The following JMJD1C variants were observed in gnomAD, a reference collection of about 807,000 sequenced individuals.
JMJD1C encodes the protein jumonji domain-containing protein 1C.
Under a neutral mutation model 245.3 loss-of-function variants are expected in JMJD1C, and 31 were observed. That is an observed-to-expected ratio of 0.13 (90% confidence interval 0.09 to 0.17). The LOEUF (loss-of-function observed/expected upper bound fraction) is 0.17, where lower values mean the gene tolerates loss of function less well. Among genes scored for constraint, JMJD1C ranks in the 10% least tolerant of loss-of-function variants. The pLI, the probability that JMJD1C is intolerant of heterozygous loss-of-function variation, is 1.00. For missense variants in JMJD1C, 2,691 were observed against 3,000.2 expected, an observed-to-expected ratio of 0.90 and a Z score of 2.41; for synonymous variants, 1,057 against 1,017.4, an observed-to-expected ratio of 1.04 and a Z score of -0.74.
At chr10:63,413,353 A>G (rs911490745) in intron 1 of JMJD1C, among the ~76,000 whole-genome samples, 5 of 152,196 alleles carry the variant, frequency 3.3e-5, no homozygotes, top group African/African-American at 1.2e-4. Context: ...AATATATGGT[A>G]TTCATGATAA....
At chr10:63,357,822 G>GACAAAC (rs1344672220) in intron 2 of JMJD1C, among the ~76,000 whole-genome samples, 1 of 70,758 alleles carries the variant, frequency 1.4e-5, no homozygotes, top group East Asian at 5.1e-4. Flanking sequence ...GACACAGACA[G>GACAAAC]ACAGACACAC....
At chr10:63,176,528 T>C in intron 23 of JMJD1C, 55 bp from the exon 24 acceptor site, 1 of 1,315,400 alleles carries the variant, frequency 7.6e-7, no homozygotes, top group Non-Finnish European at 1.1e-6. Flanking sequence ...TGGTAAATCC[T>C]GTTCAGTTAA....
chr10:63,268,691 T>TAAA (rs1326822625), intron 2 of JMJD1C: 1 of 983,746 alleles, frequency 1.0e-6, no homozygotes, highest in Admixed American at 6.1e-5. Context: ...AAAGTATCTT[T>TAAA]AAATCTCAGA....
chr10:63,346,305 G>A (rs1232067297), intron 2 of JMJD1C, among the ~76,000 whole-genome samples: 2 of 152,154 alleles, frequency 1.3e-5, no homozygotes, highest in African/African-American at 4.8e-5. Context: ...CATGAAAAGG[G>A]GAAACATAAG....
intron 1 of JMJD1C, among the ~76,000 whole-genome samples, chr10:63,485,731 A>G (rs765174232): frequency 1.3e-5 from 2 of 152,212 alleles, no homozygotes; most frequent in Non-Finnish European, 2.9e-5. Context: ...ATTTTAAATA[A>G]CAGTGCTATA....
chr10:63,380,126 T>G (rs1947094478), intron 2 of JMJD1C, 192 bp downstream of exon 2: 6 of 434,840 alleles, frequency 1.4e-5, no homozygotes, highest in Admixed American at 4.3e-5. Flanking sequence ...TTTTTTTTGG[T>G]AGAGATGGGG....
At chr10:63,324,575 T>C (rs1941305027) in intron 2 of JMJD1C, among the ~76,000 whole-genome samples, 1 of 152,204 alleles carries the variant, frequency 6.6e-6, no homozygotes, top group Non-Finnish European at 1.5e-5. Flanking sequence ...AACAGATTCC[T>C]TCATTCAATG....
chr10:63,359,814 C>CT (rs1024342512), intron 2 of JMJD1C, among the ~76,000 whole-genome samples: 2 of 151,970 alleles, frequency 1.3e-5, no homozygotes, highest in Non-Finnish European at 2.9e-5. Context: ...AATTTAAACT[C>CT]TTTTTTAAGG....
intron 1 of JMJD1C, among the ~76,000 whole-genome samples, chr10:63,434,666 C>A (rs1004013532): frequency 2.0e-5 from 3 of 151,974 alleles, no homozygotes; most frequent in Non-Finnish European, 2.9e-5. Flanking sequence ...ATCACTTGAG[C>A]CCAGGAGTTC....
chr10:63,169,911 C>G (rs907896810), intron 24 of JMJD1C, among the ~76,000 whole-genome samples: 9 of 152,112 alleles, frequency 5.9e-5, no homozygotes, highest in African/African-American at 2.2e-4. Context: ...CAACAGGAGC[C>G]CAACTCCTGC....
At chr10:63,491,604 A>C (rs1954178349) in intron 1 of JMJD1C, among the ~76,000 whole-genome samples, 1 of 152,160 alleles carries the variant, frequency 6.6e-6, no homozygotes, top group Admixed American at 6.5e-5. Context: ...ATACTACCCA[A>C]GCCTATCTTT....
chr10:63,331,651 T>G (rs886876634), intron 2 of JMJD1C, among the ~76,000 whole-genome samples: 4 of 152,192 alleles, frequency 2.6e-5, no homozygotes, highest in African/African-American at 7.2e-5. Flanking sequence ...CTCGCTCTGT[T>G]GCCCAGGCTG....
chr10:63,182,780 T>C (rs972413322), intron 22 of JMJD1C, among the ~76,000 whole-genome samples: 1 of 152,218 alleles, frequency 6.6e-6, no homozygotes, highest in African/African-American at 2.4e-5. Context: ...AAAAGAATGT[T>C]TGAGTCACAA....
At chr10:63,395,967 T>C (rs1948457017) in intron 1 of JMJD1C, among the ~76,000 whole-genome samples, 1 of 152,092 alleles carries the variant, frequency 6.6e-6, no homozygotes. Flanking sequence ...GCAAAAGTAA[T>C]TTTATAGGGG....
intron 1 of JMJD1C, among the ~76,000 whole-genome samples, chr10:63,398,513 CAT>C (rs1187474520): frequency 1.3e-5 from 2 of 151,972 alleles, no homozygotes; most frequent in Non-Finnish European, 2.9e-5. Context: ...TCAAGAGGCA[CAT>C]ATGTGTTGTC....
In JMJD1C at chr10:63,194,423, T is replaced by C. The variant is rs371117815; in HGVS notation, c.5645-48A>G. On this transcript the variant is annotated intron_variant, in intron 13 of 25. Transcript: ENST00000399262. ...TATCACACTCATGGTTTCATAATTA[T>C]AAATTGATAGTGTAAAGAACTTAAC... is the stretch of plus-strand genomic sequence containing the variant. 9 of 1,228,486 alleles carry C rather than the reference T, an allele frequency of 7.3e-6. No homozygotes were observed. The East Asian group carries it at 1.9e-4, about 25-fold the overall frequency. 76.1% of individuals were successfully genotyped at this position (1,228,486 alleles called of 1,614,324 possible). A position where few individuals can be genotyped will look rare whatever the true frequency, so the allele number is the denominator to read the frequency against.
chr10:63,219,730 C>T (rs1848393790), intron 4 of JMJD1C, 148 bp downstream of exon 4: 4 of 517,020 alleles, frequency 7.7e-6, no homozygotes, highest in Non-Finnish European at 1.4e-5. Flanking sequence ...AAATTATTAT[C>T]ACTCTGCTAT....
At chr10:63,382,298 CACAG>C (rs763850539) in intron 1 of JMJD1C, among the ~76,000 whole-genome samples, 14 of 152,100 alleles carry the variant, frequency 9.2e-5, no homozygotes, top group South Asian at 4.1e-4. Context: ...CTGTCTCTGT[CACAG>C]ACAGAGACAA....
rs1846893649 is a variant in JMJD1C, at chr10:63,208,254, A to G, written c.3415T>C (p.Phe1139Leu). The G allele has an allele frequency of 2.5e-6, 4 of 1,614,046 alleles. No individual in the cohort carries two copies. In the African/African-American group the frequency reaches 5.3e-5, roughly 22 times the overall value. ...AAANPQTLTS[F>L]ITSLSKPPPL... ...GGAGGCTTTGAAAGAGATGTTATAA[A>G]TGAAGTCAGAGTTTGAGGATTAGCT... The change falls in exon 10 of 26, where the codon TTT (phenylalanine) becomes CTT (leucine). Residue 1139 changes from phenylalanine to leucine, a missense_variant. Physicochemically the swap from Phe to Leu is conservative, Grantham distance 22 (BLOSUM62 0). Around this residue, in one of 9 missense-constraint regions of JMJD1C, gnomAD observed 1,562 missense variants for 1,490.7 expected, o/e 1.05. Transcript: ENST00000399262.
Sources: allele counts gnomAD v4.1 joint callset (sites outside exome capture counted in the v4.1 genomes callset), GRCh38; gene constraint gnomAD v4.1.1; regional missense constraint gnomAD v4.1.1; transcripts MANE v1.5; gene names NCBI Gene and HGNC (gene_info 2026-07-23, HGNC 2026-07-21).